Variants in GLIS3 observed in about 807,000 individuals in gnomAD.
GLIS3 encodes zinc finger protein GLIS3.
A neutral mutation model predicts 78.6 loss-of-function variants in GLIS3; 53 were observed. That is an observed-to-expected ratio of 0.67 (90% CI 0.54 to 0.85). The LOEUF is 0.85. GLIS3 is among the 40% of genes least tolerant of loss of function. The pLI is 0.00. For missense variants in GLIS3, 1,703 were observed against 1,231.1 expected (o/e 1.38, Z -5.74); for synonymous variants, 684 against 509.9 (o/e 1.34, Z -4.60).
chr9:4,358,876 G>C, the GLIS3 span, among the ~76,000 whole-genome samples: 1 of 152,190 alleles, frequency 6.6e-6, no homozygotes, highest in African/African-American at 2.4e-5. Context: ...ATAGAAGTCA[G>C]TGTGGGCTAC....
At chr9:4,024,587 T>G (rs958953413) in intron 4 of GLIS3, among the ~76,000 whole-genome samples, 10 of 152,136 alleles carry the variant, frequency 6.6e-5, no homozygotes, top group African/African-American at 2.4e-4. Context: ...GGTGGGAAGC[T>G]CAGAGTGTAT....
At chr9:4,018,602 G>A (rs1470433200) in intron 4 of GLIS3, among the ~76,000 whole-genome samples, 3 of 152,126 alleles carry the variant, frequency 2.0e-5, no homozygotes, top group African/African-American at 4.8e-5. Context: ...GAAAAGCTGC[G>A]GAGGGTGACA....
At chr9:4,059,096 T>G (rs1229100796) in intron 4 of GLIS3, among the ~76,000 whole-genome samples, 1 of 152,006 alleles carries the variant, frequency 6.6e-6, no homozygotes, top group South Asian at 2.1e-4. Flanking sequence ...TAGGTCTGAG[T>G]GTTACTGCAG....
chr9:4,199,059 G>T (rs1053325613), intron 2 of GLIS3, among the ~76,000 whole-genome samples: 4 of 152,164 alleles, frequency 2.6e-5, no homozygotes, highest in Non-Finnish European at 4.4e-5. Context: ...ATAACCATAA[G>T]AGAGTTCCAA....
intron 4 of GLIS3, among the ~76,000 whole-genome samples, chr9:4,114,678 C>G (rs1006670898): frequency 6.6e-6 from 1 of 152,154 alleles, no homozygotes; most frequent in Non-Finnish European, 1.5e-5. Flanking sequence ...CGGTTTCTGA[C>G]TAGCTGAGGT....
intron 9 of GLIS3, among the ~76,000 whole-genome samples, chr9:3,843,811 A>C (rs1409394396): frequency 2.0e-5 from 3 of 152,178 alleles, no homozygotes; most frequent in African/African-American, 7.2e-5. Flanking sequence ...ATGGCAAGGA[A>C]ATTTAAGAAC....
chr9:4,211,228 A>G (rs1057077528), intron 2 of GLIS3, among the ~76,000 whole-genome samples: 6 of 152,162 alleles, frequency 3.9e-5, no homozygotes, highest in African/African-American at 1.4e-4. Context: ...CTTTATATGC[A>G]TTTCCATGGA....
chr9:4,089,268 A>T (rs1378233813), intron 4 of GLIS3, among the ~76,000 whole-genome samples: 2 of 152,156 alleles, frequency 1.3e-5, no homozygotes. Flanking sequence ...ACCTCTGAAA[A>T]TTGCTGTTTA....
chr9:4,053,228 C>T (rs76659862), intron 4 of GLIS3, among the ~76,000 whole-genome samples: 5,241 of 152,224 alleles, frequency 0.034, 154 homozygotes, highest in Non-Finnish European at 0.058. Context: ...TGATTACAGG[C>T]GTGAGCCACA....
At chr9:4,031,776 T>G (rs1489914555) in intron 4 of GLIS3, among the ~76,000 whole-genome samples, 2 of 152,162 alleles carry the variant, frequency 1.3e-5, no homozygotes, top group African/African-American at 4.8e-5. Context: ...AGTCAAGCAA[T>G]TCAACTGAGA....
the GLIS3 span, among the ~76,000 whole-genome samples, chr9:4,488,585 T>C: frequency 6.6e-6 from 1 of 152,042 alleles, no homozygotes; most frequent in Admixed American, 6.6e-5. Flanking sequence ...TGCAGCGTGA[T>C]CTCGGCTCAC....
chr9:3,904,411 C>G (rs565347085), intron 6 of GLIS3, among the ~76,000 whole-genome samples: 12 of 152,196 alleles, frequency 7.9e-5, no homozygotes, highest in East Asian at 1.9e-4. Flanking sequence ...CTACAAATTT[C>G]TGACTTGTCA....
At chr9:4,302,642 A>G (rs1174642861), upstream of GLIS3, among the ~76,000 whole-genome samples, 2 of 152,232 alleles carry the variant, frequency 1.3e-5, no homozygotes, top group African/African-American at 4.8e-5. Context: ...GAAGCTCAGT[A>G]AACAGTTAAA....
At chr9:3,835,853 G>C (rs1323785303) in intron 9 of GLIS3, among the ~76,000 whole-genome samples, 3 of 152,180 alleles carry the variant, frequency 2.0e-5, no homozygotes, top group Non-Finnish European at 4.4e-5. Flanking sequence ...ACTTATTCAA[G>C]TGTTGGGGAT....
intron 9 of GLIS3, among the ~76,000 whole-genome samples, chr9:3,848,759 C>G (rs1819221619): frequency 6.6e-6 from 1 of 152,194 alleles, no homozygotes; most frequent in Admixed American, 6.5e-5. Context: ...GTGGGACAAG[C>G]CATTTACAAT....
intron 2 of GLIS3, among the ~76,000 whole-genome samples, chr9:4,157,598 G>C (rs1051295839): frequency 6.6e-6 from 1 of 152,138 alleles, no homozygotes; most frequent in African/African-American, 2.4e-5. Context: ...ATTATTACTA[G>C]GCCTAACTCT....
intron 2 of GLIS3, among the ~76,000 whole-genome samples, chr9:4,265,936 G>GTTTGTTTGTTTGTTTGTTTT: frequency 6.7e-6 from 1 of 149,032 alleles, no homozygotes; most frequent in African/African-American, 2.5e-5. Context: ...TTGTTTGTTT[G>GTTTGTTTGTTTGTTTGTTTT]GAGACGGAGT....
At chr9:4,300,246 A>ACACT (rs1491535352), upstream of GLIS3, among the ~76,000 whole-genome samples, 88 of 131,544 alleles carry the variant, frequency 6.7e-4, no homozygotes, top group African/African-American at 2.4e-3. Flanking sequence ...ACACACACAC[A>ACACT]CTCCCCGTGC....
intron 2 of GLIS3, among the ~76,000 whole-genome samples, chr9:4,330,133 C>G (rs1362492444): frequency 6.6e-6 from 1 of 152,026 alleles, no homozygotes; most frequent in Non-Finnish European, 1.5e-5. Context: ...ACTCCCAAAA[C>G]CCACATCAGA....
Sources: allele counts gnomAD v4.1 joint callset (sites outside exome capture counted in the v4.1 genomes callset), GRCh38; gene constraint gnomAD v4.1.1; transcripts MANE v1.5; gene names NCBI Gene and HGNC (gene_info 2026-07-23, HGNC 2026-07-21).